EXOC6B: variants seen among roughly 807,000 people sequenced by gnomAD.
EXOC6B encodes exocyst complex component 6B, also known as SEC15 homolog B.
EXOC6B carries 54 observed loss-of-function variants against 113.5 expected under a neutral mutation model. The ratio of observed to expected loss-of-function variants is 0.48; its 90% CI spans 0.38 to 0.60. EXOC6B has a LOEUF of 0.60. Ranked by LOEUF, EXOC6B falls within the 20% of genes least tolerant of loss-of-function variation. The pLI is 0.00. For missense variants in EXOC6B, 797 were observed against 977.5 expected (o/e 0.82, Z 2.46); for synonymous variants, 357 against 339.0 (o/e 1.05, Z -0.58).
At chr2:72,497,615 T>A (rs925505738) in intron 13 of EXOC6B, among the ~76,000 whole-genome samples, 2 of 152,060 alleles carry the variant, frequency 1.3e-5, no homozygotes, top group African/African-American at 4.8e-5. Flanking sequence ...TTTAGAAATA[T>A]AAATATTTAT....
At chr2:72,495,007 A>G (rs1699958290) in intron 15 of EXOC6B, among the ~76,000 whole-genome samples, 1 of 152,084 alleles carries the variant, frequency 6.6e-6, no homozygotes, top group Non-Finnish European at 1.5e-5. Flanking sequence ...TAGAATGTCA[A>G]AATCAGTATT....
intron 1 of EXOC6B, among the ~76,000 whole-genome samples, chr2:72,767,807 T>TGAAAAA (rs1683160619): frequency 1.6e-4 from 1 of 6,086 alleles, no homozygotes; most frequent in Non-Finnish European, 3.3e-4. Flanking sequence ...AGAGACCTTG[T>TGAAAAA]TAAAAAAAAA....
intron 1 of EXOC6B, among the ~76,000 whole-genome samples, chr2:72,794,782 G>C (rs1430386249): frequency 6.6e-6 from 1 of 152,132 alleles, no homozygotes. Context: ...ATAGGAAATA[G>C]AAGTAGGAAA....
intron 6 of EXOC6B, among the ~76,000 whole-genome samples, chr2:72,594,854 T>C (rs1466830317): frequency 6.6e-6 from 1 of 152,122 alleles, no homozygotes; most frequent in African/African-American, 2.4e-5. Flanking sequence ...AAAAGGATGA[T>C]TCAAATAGTA....
chr2:72,713,374 A>G (rs1367957688), intron 6 of EXOC6B, among the ~76,000 whole-genome samples: 1 of 152,222 alleles, frequency 6.6e-6, no homozygotes, highest in African/African-American at 2.4e-5. Flanking sequence ...AAATGTTTGG[A>G]AAAAGAAGTT....
At chr2:72,778,382 A>G (rs1683829755) in intron 1 of EXOC6B, among the ~76,000 whole-genome samples, 1 of 152,178 alleles carries the variant, frequency 6.6e-6, no homozygotes, top group Non-Finnish European at 1.5e-5. Context: ...TTCAAGACAA[A>G]AATAGCTGCA....
intron 20 of EXOC6B, among the ~76,000 whole-genome samples, chr2:72,333,673 C>T (rs544623939): frequency 6.6e-6 from 1 of 152,190 alleles, no homozygotes; most frequent in East Asian, 1.9e-4. Context: ...GCTGGTGAAT[C>T]CTTAATGTGC....
At chr2:72,186,508 C>T (rs984558546) in intron 20 of EXOC6B, among the ~76,000 whole-genome samples, 3 of 149,600 alleles carry the variant, frequency 2.0e-5, no homozygotes, top group Admixed American at 6.7e-5. Context: ...AAAAGGATAG[C>T]GTTTTTTCAA....
At chr2:72,509,258 A>C (rs969262619) in intron 11 of EXOC6B, among the ~76,000 whole-genome samples, 4 of 152,172 alleles carry the variant, frequency 2.6e-5, no homozygotes, top group African/African-American at 9.7e-5. Flanking sequence ...TGGACACCTT[A>C]ATCTCTGACT....
At chr2:72,631,459 TATAGAG>T (rs1558862525) in intron 6 of EXOC6B, among the ~76,000 whole-genome samples, 7 of 6,942 alleles carry the variant, frequency 1.0e-3, no homozygotes, top group African/African-American at 1.5e-3. Context: ...TATATATATA[TATAGAG>T]AGAGAGAGAG....
At chr2:72,243,946 C>T (rs1682491188) in intron 20 of EXOC6B, among the ~76,000 whole-genome samples, 1 of 152,094 alleles carries the variant, frequency 6.6e-6, no homozygotes, top group African/African-American at 2.4e-5. Context: ...TGTTAGTTCA[C>T]TATTATAGTT....
At chr2:72,239,833 C>A (rs140730339) in intron 20 of EXOC6B, among the ~76,000 whole-genome samples, 1 of 151,976 alleles carries the variant, frequency 6.6e-6, no homozygotes, top group Non-Finnish European at 1.5e-5. Flanking sequence ...TTTCTTTCAA[C>A]GATGTTTTAC....
chr2:72,419,256 T>C (rs966817322), intron 18 of EXOC6B, among the ~76,000 whole-genome samples: 1 of 152,240 alleles, frequency 6.6e-6, no homozygotes, highest in African/African-American at 2.4e-5. Context: ...GTTATAATAA[T>C]ATTAGCTTTT....
At chr2:72,630,883 G>A (rs1308299652) in intron 6 of EXOC6B, among the ~76,000 whole-genome samples, 1 of 152,098 alleles carries the variant, frequency 6.6e-6, no homozygotes, top group Non-Finnish European at 1.5e-5. Context: ...ATCTCAGGAG[G>A]AAGTAGCAAT....
chr2:72,303,071 C>A (rs1454101363), intron 20 of EXOC6B, among the ~76,000 whole-genome samples: 1 of 152,172 alleles, frequency 6.6e-6, no homozygotes, highest in Middle Eastern at 3.2e-3. Flanking sequence ...TTCTCCTTTA[C>A]TAAGGAAGCT....
At chr2:72,456,019 G>A (rs1261778946) in intron 18 of EXOC6B, among the ~76,000 whole-genome samples, 1 of 152,102 alleles carries the variant, frequency 6.6e-6, no homozygotes, top group Non-Finnish European at 1.5e-5. Flanking sequence ...CTCTGGGCAA[G>A]ACCCTGTTAG....
intron 19 of EXOC6B, among the ~76,000 whole-genome samples, chr2:72,369,065 T>A (rs910729056): frequency 1.1e-4 from 17 of 152,074 alleles, no homozygotes; most frequent in Non-Finnish European, 2.1e-4. Flanking sequence ...GGAAAAGAGG[T>A]AGTCAAATTG....
intron 11 of EXOC6B, among the ~76,000 whole-genome samples, chr2:72,510,128 C>A (rs1253761594): frequency 6.6e-6 from 1 of 151,894 alleles, no homozygotes; most frequent in Non-Finnish European, 1.5e-5. Context: ...GCCAACATGC[C>A]CGACCTAATA....
chr2:72,329,366 C>A (rs1310269562), intron 20 of EXOC6B, among the ~76,000 whole-genome samples: 1 of 152,044 alleles, frequency 6.6e-6, no homozygotes, highest in Non-Finnish European at 1.5e-5. Flanking sequence ...TATGGGCCTG[C>A]CCCACCCCAG....
Sources: gnomAD v4.1 joint callset for allele counts (sites outside exome capture counted in the v4.1 genomes callset) on GRCh38, gnomAD v4.1.1 for gene constraint, MANE v1.5 for transcripts, NCBI Gene and HGNC (gene_info 2026-07-23, HGNC 2026-07-21) for gene names.